The following MS4A6E variants were observed in gnomAD, a reference collection of about 807,000 sequenced individuals.
MS4A6E encodes membrane spanning 4-domains A6E, also known as membrane-spanning 4-domains subfamily A member 6E.
Under a neutral mutation model 13.2 loss-of-function variants are expected in MS4A6E, and 8 were observed. That is an observed-to-expected ratio of 0.60 (90% CI 0.35 to 1.09). The LOEUF (loss-of-function observed/expected upper bound fraction) is 1.09. Ranked by LOEUF, MS4A6E falls within the 50% of genes least tolerant of loss-of-function variation. The pLI is 0.02. For missense variants in MS4A6E, 177 were observed against 171.1 expected (o/e 1.03, Z -0.19); for synonymous variants, 72 against 67.6 (o/e 1.06, Z -0.32).
At chr11:60,331,663 A>G (rs553757754) in intron 1 of MS4A6E, among the ~76,000 whole-genome samples, 6 of 152,344 alleles carry the variant, frequency 3.9e-5, no homozygotes, top group South Asian at 2.1e-4. Flanking sequence ...GTTTATTTCA[A>G]TTTTGGTGGT....
At chr11:60,348,543 G>T (rs1367075178) in intron 4 of MS4A6E, among the ~76,000 whole-genome samples, 3 of 152,242 alleles carry the variant, frequency 2.0e-5, no homozygotes, top group Non-Finnish European at 4.4e-5. Context: ...GTCGCAGATG[G>T]AAAAGGAGGA....
chr11:60,341,718 A>T (rs2085227050), downstream of MS4A6E, among the ~76,000 whole-genome samples: 1 of 152,026 alleles, frequency 6.6e-6, no homozygotes, highest in Non-Finnish European at 1.5e-5. Context: ...CTTCATACTC[A>T]CTGTCTCAGA....
chr11:60,332,268 T>C (rs1026282979), intron 1 of MS4A6E, among the ~76,000 whole-genome samples: 1 of 152,220 alleles, frequency 6.6e-6, no homozygotes, highest in Non-Finnish European at 1.5e-5. Flanking sequence ...ACTTTATTAC[T>C]CAAGTTACAA....
downstream of MS4A6E, among the ~76,000 whole-genome samples, chr11:60,342,178 T>TGTGC (rs2085230601): frequency 7.2e-5 from 2 of 27,760 alleles, no homozygotes; most frequent in African/African-American, 1.3e-4. Flanking sequence ...TGTGTGTGTG[T>TGTGC]GAGAGAGAGA....
chr11:60,328,074 G>C (rs1447493166), intron 1 of MS4A6E, among the ~76,000 whole-genome samples: 1 of 145,936 alleles, frequency 6.9e-6, no homozygotes, highest in East Asian at 2.0e-4. Flanking sequence ...GGCCATCCTT[G>C]TTATCAAGTG....
intron 1 of MS4A6E, 104 bp from the exon 2 acceptor site, chr11:60,334,778 C>T (rs908351517): frequency 1.6e-5 from 20 of 1,245,684 alleles, no homozygotes; most frequent in African/African-American, 6.0e-5. Flanking sequence ...CTCTAACACA[C>T]AGGCCAAGTC....
At chr11:60,340,508 C>G (rs1322354591) in intron 4 of MS4A6E, among the ~76,000 whole-genome samples, 1 of 152,020 alleles carries the variant, frequency 6.6e-6, no homozygotes, top group Non-Finnish European at 1.5e-5. Flanking sequence ...CAAGGGATAC[C>G]ACCCCTATGG....
intron 3 of MS4A6E, among the ~76,000 whole-genome samples, chr11:60,338,179 C>T (rs552843109): frequency 2.0e-3 from 309 of 152,296 alleles, no homozygotes; most frequent in African/African-American, 7.2e-3. Context: ...CTAAAACTTA[C>T]GGTTTGTAGA....
intron 4 of MS4A6E, 72 bp downstream of exon 4, chr11:60,340,036 C>T: frequency 1.3e-6 from 2 of 1,590,186 alleles, no homozygotes; most frequent in Non-Finnish European, 1.7e-6. Flanking sequence ...GAGTATGTCA[C>T]CAAGAGTGGT....
At chr11:60,342,481 C>CTG (rs773014125), downstream of MS4A6E, among the ~76,000 whole-genome samples, 37,548 of 151,710 alleles carry the variant, frequency 0.25, 5,567 homozygotes, top group Non-Finnish European at 0.32. Context: ...GGGTTTGGGG[C>CTG]AAGATGAGGC....
chr11:60,342,838 A>C (rs2085236735), downstream of MS4A6E, among the ~76,000 whole-genome samples: 1 of 152,182 alleles, frequency 6.6e-6, no homozygotes, highest in East Asian at 1.9e-4. Flanking sequence ...TAGACAAGAA[A>C]TGATTTGGGG....
chr11:60,333,501 T>A (rs963619120), intron 1 of MS4A6E, among the ~76,000 whole-genome samples: 1 of 152,078 alleles, frequency 6.6e-6, no homozygotes, highest in Non-Finnish European at 1.5e-5. Flanking sequence ...AGAGGTATCA[T>A]GGAATGGAGG....
intron 1 of MS4A6E, among the ~76,000 whole-genome samples, chr11:60,334,325 A>G (rs1432943015): frequency 6.6e-6 from 1 of 152,226 alleles, no homozygotes; most frequent in Non-Finnish European, 1.5e-5. Context: ...AAGGGCCCCT[A>G]GAATCTCTAG....
intron 1 of MS4A6E, among the ~76,000 whole-genome samples, chr11:60,329,168 G>A (rs533412751): frequency 1.4e-3 from 207 of 145,424 alleles, no homozygotes; most frequent in African/African-American, 5.2e-3. Context: ...GACAGGCCTT[G>A]GTGTGTGATG....
chr11:60,336,151 C>T (rs554378855), intron 2 of MS4A6E, among the ~76,000 whole-genome samples: 66 of 152,288 alleles, frequency 4.3e-4, no homozygotes, highest in African/African-American at 1.6e-3. Flanking sequence ...TACAATCCAA[C>T]ACTAGATCTG....
At chr11:60,345,784 G>C (rs1054703110), downstream of MS4A6E, among the ~76,000 whole-genome samples, 2 of 152,190 alleles carry the variant, frequency 1.3e-5, no homozygotes, top group African/African-American at 4.8e-5. Context: ...TAATTTGGTG[G>C]CTTCTGGGAC....
At position 60,334,884 on chromosome 11, in the gene MS4A6E, G is replaced by A; in HGVS notation, c.-12G>A. 4.3e-6 allele frequency: 7 copies of A among 1,613,016 alleles called. No individual in the cohort carries two copies. Among genetic ancestry groups the A allele is most frequent in the Non-Finnish European group, 5.9e-6 (7 of 1,179,422 alleles). On this transcript the variant is annotated splice_region_variant and 5_prime_UTR_variant, in exon 2 of 5. Transcript: ENST00000684409. ...TAAATCTATTTTTTCTTCCGTAGTT[G>A]GCAACACCATTATGACATCACAACC...
chr11:60,330,697 T>A (rs2085149547), intron 1 of MS4A6E, among the ~76,000 whole-genome samples: 1 of 152,208 alleles, frequency 6.6e-6, no homozygotes, highest in Non-Finnish European at 1.5e-5. Context: ...TGCCTATGCC[T>A]ATGTCCTGAA....
At chr11:60,348,686 T>C (rs1444154054) in intron 4 of MS4A6E, among the ~76,000 whole-genome samples, 2 of 152,142 alleles carry the variant, frequency 1.3e-5, no homozygotes, top group Non-Finnish European at 2.9e-5. Context: ...CTCCAAAACC[T>C]CTTCCAGCCC....
Sources: allele counts gnomAD v4.1 joint callset (sites outside exome capture counted in the v4.1 genomes callset), GRCh38; gene constraint gnomAD v4.1.1; transcripts MANE v1.5; gene names NCBI Gene and HGNC (gene_info 2026-07-23, HGNC 2026-07-21).